CHIC1: variants seen among roughly 807,000 people sequenced by gnomAD.
The protein encoded by CHIC1 is cysteine rich hydrophobic domain 1.
CHIC1 carries 7 observed loss-of-function variants against 18.5 expected under a neutral mutation model. That is an observed-to-expected ratio of 0.38 (90% CI 0.22 to 0.71). The LOEUF (loss-of-function observed/expected upper bound fraction) is 0.71, where lower values mean the gene tolerates loss of function less well. CHIC1 is among the 30% of genes least tolerant of loss of function. The pLI is 0.49. For missense variants in CHIC1, 159 were observed against 176.9 expected, an observed-to-expected ratio of 0.90 and a Z score of 0.57; for synonymous variants, 77 against 73.5, an observed-to-expected ratio of 1.05 and a Z score of -0.25.
intron 3 of CHIC1, among the ~76,000 whole-genome samples, chrX:73,661,198 A>G (rs1025095109): frequency 3.7e-4 from 41 of 112,320 alleles, no homozygotes; most frequent in Admixed American, 3.1e-3. Context: ...GCAAAAGTTA[A>G]AAGAAGATGT....
intron 3 of CHIC1, among the ~76,000 whole-genome samples, chrX:73,642,744 G>T (rs1291915420): frequency 4.5e-5 from 5 of 110,539 alleles, no homozygotes; most frequent in African/African-American, 9.8e-5. Context: ...CATATGGCTA[G>T]CCAGTTTTCC....
chrX:73,590,372 A>C (rs2057575690), intron 3 of CHIC1, among the ~76,000 whole-genome samples: 1 of 111,279 alleles, frequency 9.0e-6, no homozygotes, highest in Admixed American at 9.6e-5. Flanking sequence ...AGATTCCATA[A>C]ACCCCCTCAT....
At chrX:73,645,799 G>A (rs1373009329) in intron 3 of CHIC1, among the ~76,000 whole-genome samples, 1 of 111,336 alleles carries the variant, frequency 9.0e-6, no homozygotes, top group East Asian at 2.8e-4. Context: ...TTGGATATTA[G>A]CCTTGTCAGA....
intron 3 of CHIC1, among the ~76,000 whole-genome samples, chrX:73,626,721 T>C (rs1276083658): frequency 9.0e-6 from 1 of 111,429 alleles, no homozygotes; most frequent in African/African-American, 3.3e-5. Context: ...TGAATTTCTT[T>C]GAGTTTCCTC....
chrX:73,632,102 T>A (rs1281497182), intron 3 of CHIC1, among the ~76,000 whole-genome samples: 2 of 112,255 alleles, frequency 1.8e-5, no homozygotes, highest in Admixed American at 1.9e-4. Flanking sequence ...TTTCTGTCTG[T>A]ATGATTTATC....
At chrX:73,590,560 T>C (rs1176431162) in intron 3 of CHIC1, among the ~76,000 whole-genome samples, 1 of 111,662 alleles carries the variant, frequency 9.0e-6, no homozygotes, top group Non-Finnish European at 1.9e-5. Flanking sequence ...GTAGCCATCA[T>C]CATAGTATCG....
At chrX:73,604,973 C>T (rs908839406) in intron 3 of CHIC1, among the ~76,000 whole-genome samples, 2 of 108,856 alleles carry the variant, frequency 1.8e-5, no homozygotes, top group African/African-American at 3.6e-5. Context: ...AATATATATT[C>T]TGTTGACTTG....
intron 1 of CHIC1, among the ~76,000 whole-genome samples, chrX:73,568,499 A>G (rs2057455481): frequency 9.0e-6 from 1 of 111,591 alleles, no homozygotes; most frequent in Non-Finnish European, 1.9e-5. Flanking sequence ...TCTTGGAAGT[A>G]TTGTGCTTCA....
chrX:73,673,619 A>G (rs2058044479), intron 3 of CHIC1, among the ~76,000 whole-genome samples: 1 of 111,953 alleles, frequency 8.9e-6, no homozygotes, highest in African/African-American at 3.2e-5. Context: ...ATTTTGCTGA[A>G]GTTGCTTATC....
At position 73,661,801 on chromosome X, in the gene CHIC1, A is replaced by T. The variant is rs142023553; in HGVS notation, c.508-17525A>T. On this transcript the variant is annotated intron_variant, in intron 3 of 5. Coordinates refer to ENST00000373502, the MANE Select transcript of CHIC1 (RefSeq NM_001039840.4). Reference sequence around the variant, plus strand: ...TTCAGCTCTGAGTGCTAGTAAATCCAGAATGAGTGAGGGAATTATGCGGTC... The same window carrying T: ...TTCAGCTCTGAGTGCTAGTAAATCCTGAATGAGTGAGGGAATTATGCGGTC... Among the ~76,000 whole-genome samples, 1,044 of 111,494 alleles carry T rather than the reference A, an allele frequency of 9.4e-3. 6 individuals are homozygous for T. Among genetic ancestry groups the T allele is most frequent in the African/African-American group, 0.033 (1,015 of 30,689 alleles).
chrX:73,623,687 A>C (rs1440070768), intron 3 of CHIC1, among the ~76,000 whole-genome samples: 1 of 111,397 alleles, frequency 9.0e-6, no homozygotes. Flanking sequence ...TAGCAAAAAA[A>C]ATTTACATTT....
intron 3 of CHIC1, among the ~76,000 whole-genome samples, chrX:73,597,529 C>T (rs1318110647): frequency 9.3e-6 from 1 of 107,250 alleles, no homozygotes; most frequent in African/African-American, 3.4e-5. Flanking sequence ...TGGGCTTAGG[C>T]ATTATATCTT....
intron 3 of CHIC1, among the ~76,000 whole-genome samples, chrX:73,596,392 G>A (rs2057608713): frequency 9.0e-6 from 1 of 111,106 alleles, no homozygotes; most frequent in African/African-American, 3.3e-5. Flanking sequence ...ATAAACAAAT[G>A]GAAAAACATT....
At chrX:73,615,790 G>A (rs1048231529) in intron 3 of CHIC1, among the ~76,000 whole-genome samples, 1 of 111,030 alleles carries the variant, frequency 9.0e-6, no homozygotes, top group Non-Finnish European at 1.9e-5. Context: ...TTTGGCTGGG[G>A]GCAACAGTGA....
At chrX:73,610,329 C>T (rs2057701781) in intron 3 of CHIC1, among the ~76,000 whole-genome samples, 1 of 108,888 alleles carries the variant, frequency 9.2e-6, no homozygotes, top group African/African-American at 3.6e-5. Context: ...GGGAGGTTCC[C>T]CGGCTCCATG....
chrX:73,665,870 C>T (rs982776052), intron 3 of CHIC1, among the ~76,000 whole-genome samples: 2 of 111,617 alleles, frequency 1.8e-5, no homozygotes, highest in Non-Finnish European at 3.8e-5. Flanking sequence ...CCTGACAAGC[C>T]AGTGCTGCAG....
chrX:73,612,924 C>T (rs1358723952), intron 3 of CHIC1, among the ~76,000 whole-genome samples: 3 of 111,830 alleles, frequency 2.7e-5, no homozygotes, highest in Middle Eastern at 4.6e-3. Flanking sequence ...AGGTCCCCAA[C>T]TGTTATTGTA....
In CHIC1 at chrX:73,672,989, GC is replaced by G. The variant is rs763754354; in HGVS notation, c.508-6335del. On this transcript the variant is annotated intron_variant, in intron 3 of 5. Coordinates refer to ENST00000373502, the MANE Select transcript of CHIC1 (RefSeq NM_001039840.4). ...AGTTTCAGCTTTCTACATATGGCTAGCCAGTTTTCCCAGCACCATTTATTAA... is the reference window on the plus strand; with the variant it reads ...AGTTTCAGCTTTCTACATATGGCTAGCAGTTTTCCCAGCACCATTTATTAA... Among the ~76,000 whole-genome samples the G allele has an allele frequency of 4.3e-3, 483 of 111,709 alleles. 5 individuals are homozygous for G. The highest frequency in any genetic ancestry group is 0.015 in the African/African-American group (452 of 30,561).
At position 73,653,898 on chromosome X, in the gene CHIC1, T is replaced by C. The variant is rs781291923; in HGVS notation, c.508-25428T>C. Among the ~76,000 whole-genome samples the C allele has an allele frequency of 2.7e-5, 3 of 112,781 alleles. No individual in the cohort carries two copies. The East Asian group carries it at 8.3e-4, about 31-fold the overall frequency. On this transcript the variant is annotated intron_variant, in intron 3 of 5. Coordinates refer to ENST00000373502, the MANE Select transcript of CHIC1 (RefSeq NM_001039840.4). ...TAGATATGCTACTGACATTCATGTGTTGATTTTGCATCCTGCAACTTTACT... is the reference window on the plus strand; with the variant it reads ...TAGATATGCTACTGACATTCATGTGCTGATTTTGCATCCTGCAACTTTACT...
Sources: gnomAD v4.1 joint callset for allele counts (sites outside exome capture counted in the v4.1 genomes callset) on GRCh38, gnomAD v4.1.1 for gene constraint, MANE v1.5 for transcripts, NCBI Gene and HGNC (gene_info 2026-07-23, HGNC 2026-07-21) for gene names.